RALYL: variants seen among roughly 807,000 people sequenced by gnomAD.
RALYL encodes the protein RNA-binding Raly-like protein.
In RALYL, 29 loss-of-function variants were observed where a neutral mutation model predicts 35.1. The ratio of observed to expected loss-of-function variants is 0.83; its 90% CI spans 0.61 to 1.13. The LOEUF (loss-of-function observed/expected upper bound fraction) is 1.13, where lower values mean the gene tolerates loss of function less well. Among genes scored for constraint, RALYL ranks in the 50% most tolerant of loss-of-function variants. The probability of loss-of-function intolerance (pLI) is 0.00; values close to 1 mark genes in which losing one functional copy is unlikely to be tolerated. For synonymous variants in RALYL, 120 were observed against 127.6 expected, an observed-to-expected ratio of 0.94 and a Z score of 0.40; for missense variants, 359 against 360.4, an observed-to-expected ratio of 1.00 and a Z score of 0.03.
At chr8:84,764,525 A>G (rs1813446909) in intron 2 of RALYL, among the ~76,000 whole-genome samples, 1 of 152,180 alleles carries the variant, frequency 6.6e-6, no homozygotes, top group African/African-American at 2.4e-5. Flanking sequence ...ACATACAATG[A>G]TCAAGCTTAC....
chr8:84,442,056 T>C (rs903764178), intron 1 of RALYL, among the ~76,000 whole-genome samples: 2 of 152,086 alleles, frequency 1.3e-5, no homozygotes, highest in African/African-American at 4.8e-5. Context: ...GGAATATCAC[T>C]GAACATTTGG....
At chr8:84,788,831 G>A (rs563438645) in intron 3 of RALYL, among the ~76,000 whole-genome samples, 8 of 152,152 alleles carry the variant, frequency 5.3e-5, no homozygotes, top group South Asian at 4.1e-4. Context: ...AGCTGAAGTC[G>A]TCTAATCTTC....
intron 1 of RALYL, among the ~76,000 whole-genome samples, chr8:84,351,011 T>C (rs1850785187): frequency 6.7e-6 from 1 of 149,926 alleles, no homozygotes; most frequent in African/African-American, 2.5e-5. Context: ...ACATTGTTTT[T>C]CATAACATGT....
At chr8:84,880,497 A>C (rs560222272) in intron 7 of RALYL, among the ~76,000 whole-genome samples, 4 of 152,038 alleles carry the variant, frequency 2.6e-5, no homozygotes, top group African/African-American at 9.6e-5. Flanking sequence ...TGCCAGTCTC[A>C]ACATTATCCT....
chr8:84,530,358 C>T (rs1024521521), intron 2 of RALYL, among the ~76,000 whole-genome samples: 3 of 151,922 alleles, frequency 2.0e-5, no homozygotes, highest in African/African-American at 7.3e-5. Flanking sequence ...ACAGCATCTT[C>T]TCATGGATAC....
intron 1 of RALYL, among the ~76,000 whole-genome samples, chr8:84,263,106 T>C (rs1211371085): frequency 6.6e-6 from 1 of 152,074 alleles, no homozygotes; most frequent in Non-Finnish European, 1.5e-5. Context: ...ACTTATACCT[T>C]ATGAATATAT....
chr8:84,681,185 G>A (rs1835399714), intron 2 of RALYL, among the ~76,000 whole-genome samples: 1 of 152,036 alleles, frequency 6.6e-6, no homozygotes, highest in Admixed American at 6.6e-5. Flanking sequence ...ATTTCTATGG[G>A]CTCTGTTCTG....
intron 3 of RALYL, among the ~76,000 whole-genome samples, chr8:84,795,743 G>C (rs930157001): frequency 6.6e-6 from 1 of 152,066 alleles, no homozygotes; most frequent in Non-Finnish European, 1.5e-5. Flanking sequence ...TACACCCTGA[G>C]GCCTAAGTAG....
At chr8:84,508,381 T>G (rs1008925245) in intron 1 of RALYL, among the ~76,000 whole-genome samples, 1 of 152,142 alleles carries the variant, frequency 6.6e-6, no homozygotes, top group Non-Finnish European at 1.5e-5. Context: ...CTTAGCCCTT[T>G]AGCTGGATGA....
chr8:84,532,076 C>T (rs1024856720), intron 2 of RALYL, among the ~76,000 whole-genome samples: 4 of 152,046 alleles, frequency 2.6e-5, no homozygotes, highest in African/African-American at 9.7e-5. Flanking sequence ...GTGCCTGAAA[C>T]CAAGTCTTAG....
intron 1 of RALYL, among the ~76,000 whole-genome samples, chr8:84,494,459 T>C (rs1427893758): frequency 6.6e-6 from 1 of 152,174 alleles, no homozygotes; most frequent in Non-Finnish European, 1.5e-5. Context: ...GGTAGTTTGA[T>C]GGGAATGTTA....
intron 1 of RALYL, among the ~76,000 whole-genome samples, chr8:84,418,874 G>A (rs2132326136): frequency 6.6e-6 from 1 of 150,860 alleles, no homozygotes; most frequent in South Asian, 2.1e-4. Context: ...CCATTTCTTT[G>A]GATTTTTTTT....
intron 1 of RALYL, among the ~76,000 whole-genome samples, chr8:84,485,828 G>GC (rs1281011250): frequency 6.6e-6 from 1 of 151,980 alleles, no homozygotes; most frequent in African/African-American, 2.4e-5. Context: ...TATCCAAGCA[G>GC]CCATTATTAT....
intron 2 of RALYL, among the ~76,000 whole-genome samples, chr8:84,602,515 T>C (rs1816197684): frequency 6.6e-6 from 1 of 152,108 alleles, no homozygotes; most frequent in South Asian, 2.1e-4. Context: ...TACATTCTTA[T>C]GAGAGTGATT....
chr8:84,760,263 T>C (rs1812377331), intron 2 of RALYL, among the ~76,000 whole-genome samples: 2 of 152,062 alleles, frequency 1.3e-5, no homozygotes, highest in South Asian at 4.1e-4. Context: ...GAATACAAAT[T>C]TGGGTGGAAC....
At chr8:84,818,253 G>A (rs879395760) in intron 4 of RALYL, among the ~76,000 whole-genome samples, 20 of 152,166 alleles carry the variant, frequency 1.3e-4, no homozygotes, top group Non-Finnish European at 2.1e-4. Flanking sequence ...ATGAAAGAGG[G>A]AAAGCAATAC....
chr8:84,300,866 G>C lies in RALYL; in HGVS notation c.-24+116442G>C, dbSNP rs1057185922. Among the ~76,000 whole-genome samples the C allele has an allele frequency of 2.0e-5, 3 of 151,878 alleles. No homozygotes were observed. The East Asian group carries it at 5.8e-4, about 29-fold the overall frequency. ...CTTGCCAGCATACCTTTTAAGTGGG[G>C]GCATTTGTCCTATTTATATTCAAGG... On this transcript the variant is annotated intron_variant, in intron 1 of 8. Coordinates refer to ENST00000521268, the MANE Select transcript of RALYL (RefSeq NM_173848.7).
At chr8:84,471,958 A>G (rs1343776638) in intron 1 of RALYL, among the ~76,000 whole-genome samples, 2 of 152,234 alleles carry the variant, frequency 1.3e-5, no homozygotes, top group East Asian at 3.8e-4. Context: ...ATACTTACAC[A>G]TAGAAATTAG....
chr8:84,712,602 CAT>C (rs759346594), intron 2 of RALYL, among the ~76,000 whole-genome samples: 1 of 152,138 alleles, frequency 6.6e-6, no homozygotes, highest in Non-Finnish European at 1.5e-5. Context: ...ACTTGACTAT[CAT>C]ATGTCACCTG....
Sources: allele counts gnomAD v4.1 joint callset (sites outside exome capture counted in the v4.1 genomes callset), GRCh38; gene constraint gnomAD v4.1.1; transcripts MANE v1.5; gene names NCBI Gene and HGNC (gene_info 2026-07-23, HGNC 2026-07-21).